Variants in LARP4B observed in about 807,000 individuals in gnomAD.
The protein encoded by LARP4B is la-related protein 4B.
LARP4B carries 12 observed loss-of-function variants against 89.8 expected under a neutral mutation model. That is an observed-to-expected ratio of 0.13 (90% CI 0.09 to 0.22). LARP4B has a LOEUF of 0.22. Among genes scored for constraint, LARP4B ranks in the 10% least tolerant of loss-of-function variants. The pLI, the probability that LARP4B is intolerant of heterozygous loss-of-function variation, is 1.00. For missense variants in LARP4B, 757 were observed against 947.7 expected (o/e 0.80, Z 2.64); for synonymous variants, 367 against 363.3 (o/e 1.01, Z -0.12).
At chr10:951,490 G>A in the LARP4B span, among the ~76,000 whole-genome samples, 3 of 152,054 alleles carry the variant, frequency 2.0e-5, no homozygotes, top group Non-Finnish European at 4.4e-5. Context: ...AGGTTGCAAT[G>A]AGCCGAGATC....
At chr10:886,208 A>T (rs1835851722) in intron 1 of LARP4B, among the ~76,000 whole-genome samples, 1 of 152,234 alleles carries the variant, frequency 6.6e-6, no homozygotes. Flanking sequence ...GGCAATAGAA[A>T]TACGAAAAGG....
the LARP4B span, among the ~76,000 whole-genome samples, chr10:977,944 A>G: frequency 6.6e-6 from 1 of 152,138 alleles, no homozygotes; most frequent in African/African-American, 2.4e-5. Context: ...CTCTACCCAC[A>G]CTGCCACACT....
the LARP4B span, among the ~76,000 whole-genome samples, chr10:953,933 C>T: frequency 4.7e-4 from 72 of 152,332 alleles, 1 homozygote; most frequent in South Asian, 0.014. Context: ...GACGGGAGCT[C>T]GCTTCAGCCT....
At chr10:815,201 C>G (rs144251188) in intron 15 of LARP4B, 131 bp from the exon 16 acceptor site, 1,112 of 1,112,094 alleles carry the variant, frequency 1.0e-3, no homozygotes, top group Non-Finnish European at 1.3e-3. Context: ...AGGGTCTTCT[C>G]CAGCAAAAAT....
chr10:919,728 A>G (rs959351339), intron 1 of LARP4B, among the ~76,000 whole-genome samples: 4 of 152,248 alleles, frequency 2.6e-5, no homozygotes, highest in African/African-American at 4.8e-5. Flanking sequence ...GTATGAACAC[A>G]GGTGTTGAAG....
At position 825,265 on chromosome 10, in the gene LARP4B, T is replaced by G; in HGVS notation, c.1284A>C (p.Gly428=). 2 of 1,614,138 alleles carry G rather than the reference T, an allele frequency of 1.2e-6. No homozygotes were observed. Among genetic ancestry groups the G allele is most frequent in the Non-Finnish European group, 1.7e-6 (2 of 1,179,998 alleles). ...LRHAIPSAER[G]PGLLESPSIF... ...TTGAAGGACTTTCTAATAACCCAGG[T>G]CCCCTCTCTGCACTAGGAATCGCAT... The change falls in exon 13 of 18, where the codon GGA becomes GGC. Residue 428 remains glycine, a synonymous_variant. Coordinates refer to ENST00000316157, the MANE Select transcript of LARP4B (RefSeq NM_015155.3).
chr10:914,242 C>A (rs1051986337), intron 1 of LARP4B, among the ~76,000 whole-genome samples: 2 of 151,896 alleles, frequency 1.3e-5, no homozygotes, highest in Non-Finnish European at 2.9e-5. Context: ...AGTTAATATA[C>A]GTAATTAAAA....
chr10:942,474 GCA>G, the LARP4B span: 1 of 152,080 alleles, frequency 6.6e-6, no homozygotes, highest in African/African-American at 2.4e-5. Flanking sequence ...TGTCCTATTT[GCA>G]CAGACTCAAG....
intron 1 of LARP4B, among the ~76,000 whole-genome samples, chr10:922,972 G>C (rs1837027348): frequency 6.6e-6 from 1 of 152,138 alleles, no homozygotes; most frequent in South Asian, 2.1e-4. Context: ...TTACTTGGGA[G>C]GCTGAGGCAG....
intron 1 of LARP4B, among the ~76,000 whole-genome samples, chr10:915,620 C>T (rs1052620418): frequency 2.6e-4 from 39 of 152,066 alleles, no homozygotes; most frequent in African/African-American, 7.7e-4. Context: ...CTGGCTAACA[C>T]GGTGAAACCC....
At chr10:905,488 TA>T (rs1308468952) in intron 1 of LARP4B, among the ~76,000 whole-genome samples, 1 of 152,184 alleles carries the variant, frequency 6.6e-6, no homozygotes, top group Non-Finnish European at 1.5e-5. Context: ...AGAGCAGACA[TA>T]AAACACTTGA....
chr10:947,744 C>T, the LARP4B span, among the ~76,000 whole-genome samples: 1 of 152,126 alleles, frequency 6.6e-6, no homozygotes, highest in East Asian at 1.9e-4. Flanking sequence ...GCCTCAGCCT[C>T]CCAAGTAGCT....
At chr10:980,653 A>T in the LARP4B span, among the ~76,000 whole-genome samples, 14 of 152,348 alleles carry the variant, frequency 9.2e-5, no homozygotes, top group East Asian at 2.7e-3. Context: ...TGTGGGAAGC[A>T]GTGTCCCAAG....
intron 1 of LARP4B, among the ~76,000 whole-genome samples, chr10:923,574 T>C (rs998565582): frequency 6.7e-6 from 1 of 149,910 alleles, no homozygotes; most frequent in East Asian, 1.9e-4. Flanking sequence ...AAGGCAAAAA[T>C]TACACAGACG....
intron 1 of LARP4B, among the ~76,000 whole-genome samples, chr10:888,207 C>G (rs1835918121): frequency 6.6e-6 from 1 of 152,112 alleles, no homozygotes; most frequent in African/African-American, 2.4e-5. Context: ...GGAGTCCCAG[C>G]TATTCAGGAG....
At chr10:930,703 A>C (rs1162098155) in intron 1 of LARP4B, among the ~76,000 whole-genome samples, 3 of 152,102 alleles carry the variant, frequency 2.0e-5, no homozygotes, top group East Asian at 3.9e-4. Context: ...TTCACATCTG[A>C]CTTTATTTTT....
chr10:967,948 C>T, the LARP4B span, among the ~76,000 whole-genome samples: 49 of 152,284 alleles, frequency 3.2e-4, no homozygotes, highest in South Asian at 9.7e-3. Context: ...GCGATCCGCC[C>T]GCCTCAGCCT....
chr10:889,225 G>C (rs1157689318), intron 1 of LARP4B, among the ~76,000 whole-genome samples: 1 of 152,142 alleles, frequency 6.6e-6, no homozygotes, highest in Non-Finnish European at 1.5e-5. Flanking sequence ...ATGAATTTTT[G>C]TTTCACAACA....
At chr10:961,374 A>C in the LARP4B span, among the ~76,000 whole-genome samples, 1 of 152,136 alleles carries the variant, frequency 6.6e-6, no homozygotes, top group East Asian at 1.9e-4. Context: ...GGCCTCGGGA[A>C]GGTCCACTCA....
Sources: gnomAD v4.1 joint callset for allele counts (sites outside exome capture counted in the v4.1 genomes callset) on GRCh38, gnomAD v4.1.1 for gene constraint, MANE v1.5 for transcripts, NCBI Gene and HGNC (gene_info 2026-07-23, HGNC 2026-07-21) for gene names.